Variants in ERAP1 observed in about 807,000 individuals in gnomAD.
The protein encoded by ERAP1 is endoplasmic reticulum aminopeptidase 1.
Under a neutral mutation model 103.7 loss-of-function variants are expected in ERAP1, and 86 were observed. The ratio of observed to expected loss-of-function variants is 0.83; its 90% CI spans 0.70 to 0.99. ERAP1 has a LOEUF of 0.99. Among genes scored for constraint, ERAP1 ranks in the 50% least tolerant of loss-of-function variants. The pLI, the probability that ERAP1 is intolerant of heterozygous loss-of-function variation, is 0.00. For missense variants in ERAP1, 1,009 were observed against 1,128.4 expected (o/e 0.89, Z 1.52); for synonymous variants, 398 against 402.4 (o/e 0.99, Z 0.13).
intron 4 of ERAP1, 25 bp from the exon 5 acceptor site, chr5:96,795,187 A>G: frequency 1.2e-6 from 2 of 1,612,058 alleles, no homozygotes; most frequent in Non-Finnish European, 1.7e-6. Flanking sequence ...ACAGAAAGGA[A>G]TTCAAATATC....
the ERAP1 span, among the ~76,000 whole-genome samples, chr5:96,890,798 T>C: frequency 6.6e-6 from 1 of 152,190 alleles, no homozygotes; most frequent in Non-Finnish European, 1.5e-5. Flanking sequence ...TTCTATATAC[T>C]CTTTAGTACA....
chr5:96,819,908 G>T, the ERAP1 span, among the ~76,000 whole-genome samples: 7 of 152,120 alleles, frequency 4.6e-5, no homozygotes, highest in African/African-American at 1.4e-4. Context: ...TGACTATTTG[G>T]GTGTGACCTG....
At chr5:96,878,589 T>G in the ERAP1 span, among the ~76,000 whole-genome samples, 42 of 152,012 alleles carry the variant, frequency 2.8e-4, no homozygotes, top group African/African-American at 9.9e-4. Context: ...ACCCCAGGAA[T>G]TTGAGGCCAG....
upstream of ERAP1, among the ~76,000 whole-genome samples, chr5:96,810,900 T>A (rs909000093): frequency 6.6e-6 from 1 of 152,218 alleles, no homozygotes; most frequent in Non-Finnish European, 1.5e-5. Flanking sequence ...ATTTTAATCA[T>A]ATTACCACTC....
chr5:96,929,354 A>T, the ERAP1 span, among the ~76,000 whole-genome samples: 1 of 152,182 alleles, frequency 6.6e-6, no homozygotes, highest in South Asian at 2.1e-4. Context: ...TGCCATTGCT[A>T]ACACTAGTAA....
At chr5:96,920,174 G>A in the ERAP1 span, among the ~76,000 whole-genome samples, 8 of 152,274 alleles carry the variant, frequency 5.3e-5, no homozygotes, top group Admixed American at 5.2e-4. Context: ...GCCTAGCATG[G>A]TGGCACATGT....
chr5:96,825,859 C>A, the ERAP1 span, among the ~76,000 whole-genome samples: 1 of 151,236 alleles, frequency 6.6e-6, no homozygotes, highest in Admixed American at 6.6e-5. Flanking sequence ...GTTTAAACAT[C>A]AAAAAAAAAA....
the ERAP1 span, among the ~76,000 whole-genome samples, chr5:96,821,619 A>C: frequency 4.6e-5 from 7 of 152,176 alleles, no homozygotes; most frequent in Non-Finnish European, 1.0e-4. Flanking sequence ...ACATCAAAGC[A>C]AGGAAACCTA....
intron 12 of ERAP1, 175 bp from the exon 13 acceptor site, chr5:96,786,146 T>C: frequency 4.5e-6 from 3 of 664,798 alleles, no homozygotes; most frequent in East Asian, 2.7e-5. Flanking sequence ...AAGCTAACAC[T>C]AGCTTTAGAC....
downstream of ERAP1, chr5:96,771,542 C>G: frequency 1.3e-6 from 1 of 753,672 alleles, no homozygotes; most frequent in Non-Finnish European, 2.2e-6. Flanking sequence ...TCTTATTTTT[C>G]CCCACTGACT....
the ERAP1 span, among the ~76,000 whole-genome samples, chr5:96,912,995 A>C: frequency 2.0e-5 from 3 of 152,334 alleles, no homozygotes; most frequent in East Asian, 5.8e-4. Context: ...TATTAATCAT[A>C]TGATTGAGAC....
At chr5:96,778,771 A>AGAT (rs1774722970) in intron 18 of ERAP1, among the ~76,000 whole-genome samples, 1 of 152,194 alleles carries the variant, frequency 6.6e-6, no homozygotes, top group African/African-American at 2.4e-5. Flanking sequence ...GCAAGGCAAG[A>AGAT]GATGAGAAAG....
chr5:96,899,354 CT>C, the ERAP1 span, among the ~76,000 whole-genome samples: 2 of 152,182 alleles, frequency 1.3e-5, no homozygotes, highest in African/African-American at 2.4e-5. Context: ...CCAAAGGGCC[CT>C]GTAGTATTAA....
the ERAP1 span, among the ~76,000 whole-genome samples, chr5:96,884,210 G>T: frequency 2.6e-5 from 4 of 152,114 alleles, no homozygotes; most frequent in Non-Finnish European, 4.4e-5. Flanking sequence ...TCTTAAATCT[G>T]TGTTTCTTGG....
the ERAP1 span, among the ~76,000 whole-genome samples, chr5:96,853,403 CA>C: frequency 6.6e-6 from 1 of 152,076 alleles, no homozygotes; most frequent in African/African-American, 2.4e-5. Flanking sequence ...GATTCCAGGA[CA>C]GAGAGGCCAA....
At chr5:96,793,737 T>C (rs1006156663) in intron 6 of ERAP1, 66 bp downstream of exon 6, 5 of 1,406,078 alleles carry the variant, frequency 3.6e-6, no homozygotes, top group Non-Finnish European at 4.9e-6. Context: ...TAAATAGCCT[T>C]ATATGTCCCA....
the ERAP1 span, among the ~76,000 whole-genome samples, chr5:96,882,681 A>T: frequency 6.6e-6 from 1 of 152,154 alleles, no homozygotes; most frequent in Admixed American, 6.5e-5. Flanking sequence ...TGTGAGTGAA[A>T]ATTATTCCAG....
chr5:96,844,540 C>T, the ERAP1 span, among the ~76,000 whole-genome samples: 1 of 152,176 alleles, frequency 6.6e-6, no homozygotes, highest in Non-Finnish European at 1.5e-5. Context: ...AATGAATTAA[C>T]ATTTTACTTT....
chr5:96,785,448 A>T (rs2032890), intron 13 of ERAP1: 2 of 362,226 alleles, frequency 5.5e-6, no homozygotes, highest in South Asian at 2.2e-5. Context: ...GATCCGGTAT[A>T]GCGGGGCCAG....
Sources: gnomAD v4.1 joint callset for allele counts (sites outside exome capture counted in the v4.1 genomes callset) on GRCh38, gnomAD v4.1.1 for gene constraint, MANE v1.5 for transcripts, NCBI Gene and HGNC (gene_info 2026-07-23, HGNC 2026-07-21) for gene names.